Variants in CRB1 observed in about 807,000 individuals in gnomAD.
CRB1 encodes the protein crumbs cell polarity complex component 1, also known as protein crumbs homolog 1.
A neutral mutation model predicts 120.0 loss-of-function variants in CRB1; 83 were observed. The ratio of observed to expected loss-of-function variants is 0.69; its 90% confidence interval spans 0.58 to 0.83. The LOEUF is 0.83. CRB1 is among the 40% of genes least tolerant of loss of function. The probability of loss-of-function intolerance (pLI) is 0.00; values close to 1 mark genes in which losing one functional copy is unlikely to be tolerated. For missense variants in CRB1, 1,699 were observed against 1,687.6 expected (o/e 1.01, Z -0.12); for synonymous variants, 625 against 612.5 (o/e 1.02, Z -0.30).
At chr1:197,376,136 G>T (rs1047823983) in intron 5 of CRB1, among the ~76,000 whole-genome samples, 1 of 151,792 alleles carries the variant, frequency 6.6e-6, no homozygotes, top group Non-Finnish European at 1.5e-5. Context: ...CTATTTTCTA[G>T]ACTCTAAATG....
At chr1:197,453,882 T>C (rs1047323844) in intron 11 of CRB1, among the ~76,000 whole-genome samples, 3 of 141,410 alleles carry the variant, frequency 2.1e-5, no homozygotes, top group Non-Finnish European at 4.5e-5. Flanking sequence ...TAATAATATA[T>C]ATTATTAATA....
chr1:197,332,737 T>C (rs908810740), intron 2 of CRB1, among the ~76,000 whole-genome samples: 3 of 152,308 alleles, frequency 2.0e-5, no homozygotes, highest in East Asian at 3.9e-4. Context: ...GTCTAATGTA[T>C]AGCCAGGGCT....
At chr1:197,351,459 C>T (rs1396821070) in intron 4 of CRB1, among the ~76,000 whole-genome samples, 2 of 150,484 alleles carry the variant, frequency 1.3e-5, no homozygotes, top group African/African-American at 2.5e-5. Flanking sequence ...TGCAAAAATA[C>T]TGGACTGTGT....
intron 11 of CRB1, among the ~76,000 whole-genome samples, chr1:197,472,168 T>C (rs1331209363): frequency 6.6e-6 from 1 of 152,216 alleles, no homozygotes; most frequent in Non-Finnish European, 1.5e-5. Context: ...GAAGCTGGAA[T>C]GTAACCTGTA....
the CRB1 span, among the ~76,000 whole-genome samples, chr1:197,239,574 C>CAT: frequency 1.3e-5 from 2 of 151,836 alleles, no homozygotes; most frequent in African/African-American, 4.8e-5. Flanking sequence ...TCTATATTGT[C>CAT]ATAGTTTGTG....
Position 197,417,649 on chromosome 1 carries a change from G to A in CRB1, c.1172-3351G>A, listed in dbSNP as rs146149926. Reference sequence around the variant, plus strand: ...GAGTCTCAGCTGCAGGAATAGAGTGGGCTCCAAGGAAGTCATAAGTGTCCC... The same window carrying A: ...GAGTCTCAGCTGCAGGAATAGAGTGAGCTCCAAGGAAGTCATAAGTGTCCC... On this transcript the variant is annotated intron_variant, in intron 5 of 11. Coordinates refer to ENST00000367400, the MANE Select transcript of CRB1 (RefSeq NM_201253.3). 1.2e-3 allele frequency among the ~76,000 whole-genome samples: 178 copies of A among 152,188 alleles called. 1 individual carries two copies. Among genetic ancestry groups the A allele is most frequent in the African/African-American group, 4.1e-3 (172 of 41,520 alleles).
intron 4 of CRB1, among the ~76,000 whole-genome samples, chr1:197,348,503 GTCTC>G (rs2125335247): frequency 6.6e-6 from 1 of 152,184 alleles, no homozygotes; most frequent in East Asian, 1.9e-4. Flanking sequence ...TTGAAACGGA[GTCTC>G]TCTCTGTCGC....
intron 5 of CRB1, among the ~76,000 whole-genome samples, chr1:197,398,691 G>T (rs192771822): frequency 3.9e-5 from 6 of 152,218 alleles, no homozygotes; most frequent in Non-Finnish European, 5.9e-5. Flanking sequence ...AGAGGTTTGG[G>T]TATAAAGTGA....
chr1:197,461,933 A>C (rs1666550154), intron 11 of CRB1, among the ~76,000 whole-genome samples: 1 of 152,172 alleles, frequency 6.6e-6, no homozygotes, highest in Non-Finnish European at 1.5e-5. Context: ...ATGTTGTTTG[A>C]ATAGTTTTCT....
At chr1:197,221,330 A>G in the CRB1 span, among the ~76,000 whole-genome samples, 1 of 152,222 alleles carries the variant, frequency 6.6e-6, no homozygotes, top group Non-Finnish European at 1.5e-5. Context: ...TTGGTGGGAA[A>G]GATTTGATAA....
chr1:197,295,037 C>T (rs1656440964), intron 1 of CRB1, among the ~76,000 whole-genome samples: 1 of 152,018 alleles, frequency 6.6e-6, no homozygotes, highest in African/African-American at 2.4e-5. Context: ...CACATGTACC[C>T]TAGAACTTAG....
rs759889286 is a variant in CRB1 at position 197,328,612 on chromosome 1, C to T, written c.261C>T (p.Asn87=). The T allele has an allele frequency of 1.2e-6, 2 of 1,614,248 alleles. No homozygotes were observed. The highest frequency in any genetic ancestry group is 2.2e-5 in the East Asian group (1 of 44,890). The change falls in exon 2 of 12, where the codon AAC becomes AAT. Residue 87 remains asparagine, a synonymous_variant. Transcript: ENST00000367400. ...NPCQGSATCV[N]TPGERSFLCK... ...GTCAAGGAAGTGCCACTTGTGTGAACACCCCAGGAGAAAGGAGCTTTCTGT... is the reference window on the plus strand; with the variant it reads ...GTCAAGGAAGTGCCACTTGTGTGAATACCCCAGGAGAAAGGAGCTTTCTGT...
chr1:197,204,183 G>C, the CRB1 span, among the ~76,000 whole-genome samples: 1 of 152,102 alleles, frequency 6.6e-6, no homozygotes, highest in Non-Finnish European at 1.5e-5. Context: ...TTCTTTATCT[G>C]CTCATTGATT....
intron 5 of CRB1, among the ~76,000 whole-genome samples, chr1:197,406,419 C>T (rs1006067753): frequency 2.6e-5 from 4 of 152,266 alleles, no homozygotes; most frequent in African/African-American, 4.8e-5. Flanking sequence ...ATCTCAAGTA[C>T]CCAGTGACAC....
At chr1:197,276,773 A>C (rs925885647) in intron 1 of CRB1, among the ~76,000 whole-genome samples, 1 of 151,912 alleles carries the variant, frequency 6.6e-6, no homozygotes, top group Non-Finnish European at 1.5e-5. Flanking sequence ...AAATTAGGAA[A>C]GGTGTCAGGG....
chr1:197,294,018 C>T (rs917635716), intron 1 of CRB1, among the ~76,000 whole-genome samples: 1 of 152,122 alleles, frequency 6.6e-6, no homozygotes, highest in Admixed American at 6.6e-5. Context: ...GACTTGATGT[C>T]TAAAACACCA....
the CRB1 span, among the ~76,000 whole-genome samples, chr1:197,228,848 T>C: frequency 6.6e-6 from 1 of 152,190 alleles, no homozygotes; most frequent in Admixed American, 6.5e-5. Context: ...CTCAGAATCA[T>C]GGCGAGAAGT....
chr1:197,366,124 A>G (rs1455854828), intron 5 of CRB1, among the ~76,000 whole-genome samples: 1 of 152,106 alleles, frequency 6.6e-6, no homozygotes, highest in Non-Finnish European at 1.5e-5. Context: ...AGAAGTTCAA[A>G]ATATCATTTA....
intron 10 of CRB1, chr1:197,441,744 A>G (rs1665453135): frequency 1.5e-5 from 2 of 134,718 alleles, no homozygotes; most frequent in African/African-American, 3.0e-5. Flanking sequence ...GGATCCTGAT[A>G]GCCTGAATGT....
Sources: gnomAD v4.1 joint callset for allele counts (sites outside exome capture counted in the v4.1 genomes callset) on GRCh38, gnomAD v4.1.1 for gene constraint, MANE v1.5 for transcripts, NCBI Gene and HGNC (gene_info 2026-07-23, HGNC 2026-07-21) for gene names.